Variants in GJA3 observed in about 807,000 individuals in gnomAD.
GJA3 encodes gap junction alpha-3 protein.
For missense variants in GJA3, 571 were observed against 620.3 expected (o/e 0.92, Z 0.84); for synonymous variants, 297 against 292.6 (o/e 1.02, Z -0.15).
rs1158103361 is a variant in GJA3, at chr13:20,141,826, A to C, written c.*155T>G. The C allele has an allele frequency of 9.0e-7, 1 of 1,114,732 alleles. No individual in the cohort carries two copies. The highest frequency in any genetic ancestry group is 1.6e-5 in the African/African-American group (1 of 62,910). The allele number at this position is 1,114,732 out of a possible 1,614,324, so 69.1% of individuals were successfully genotyped here. A position where few individuals can be genotyped will look rare whatever the true frequency, so the allele number is the denominator to read the frequency against. On this transcript the variant is annotated 3_prime_UTR_variant, in exon 2 of 2. Transcript: ENST00000241125. ...AAGAACAGCAAGCATTGAACACGGA[A>C]ACCTGATCTCTCCTCCATCGTCCAC...
intron 1 of GJA3, 132 bp from the exon 2 acceptor site, chr13:20,143,437 C>T (rs1958825129): frequency 1.7e-6 from 1 of 581,050 alleles, no homozygotes. Context: ...GGACAGGCAT[C>T]GCAGCTCCCC....
chr13:20,143,816 A>T (rs975588061), intron 1 of GJA3, among the ~76,000 whole-genome samples: 1 of 152,248 alleles, frequency 6.6e-6, no homozygotes, highest in South Asian at 2.1e-4. Flanking sequence ...CTCAACTAGG[A>T]AAGTTTACAT....
At chr13:20,151,954 G>A (rs1291168381) in intron 1 of GJA3, among the ~76,000 whole-genome samples, 2 of 152,138 alleles carry the variant, frequency 1.3e-5, no homozygotes, top group East Asian at 3.9e-4. Context: ...CATGCCCCTG[G>A]GCTGGTGTCG....
intron 1 of GJA3, among the ~76,000 whole-genome samples, chr13:20,152,712 T>G (rs966038272): frequency 1.3e-5 from 2 of 152,196 alleles, no homozygotes; most frequent in Non-Finnish European, 2.9e-5. Context: ...GTTACTTGGT[T>G]TACAAATTAG....
intron 1 of GJA3, among the ~76,000 whole-genome samples, chr13:20,146,518 C>T (rs151026895): frequency 3.9e-5 from 6 of 152,324 alleles, no homozygotes; most frequent in African/African-American, 1.2e-4. Flanking sequence ...AAGAGCCTTG[C>T]GACCTCTGAG....
At chr13:20,143,408 G>C in intron 1 of GJA3, 103 bp from the exon 2 acceptor site, 1 of 714,774 alleles carries the variant, frequency 1.4e-6, no homozygotes, top group East Asian at 2.7e-5. Context: ...GGATGGGGCT[G>C]ATGGGCAGCT....
In GJA3 at chr13:20,139,181, G is replaced by A. The variant is rs1958793172; in HGVS notation, c.*2800C>T. The A allele has an allele frequency of 6.6e-6, 1 of 152,062 alleles. No individual in the cohort carries two copies. The highest frequency in any genetic ancestry group is 1.5e-5 in the Non-Finnish European group (1 of 68,006). 9.4% of individuals were successfully genotyped at this position (152,062 alleles called of 1,614,324 possible). A position where few individuals can be genotyped will look rare whatever the true frequency, so the allele number is the denominator to read the frequency against. ...AATTTAAAAAATGATTTTTGGTACT[G>A]TAACTATAGTGATGTTTAACATTTT... On this transcript the variant is annotated 3_prime_UTR_variant, in exon 2 of 2. Transcript: ENST00000241125.
chr13:20,150,040 A>G (rs867152651), intron 1 of GJA3, among the ~76,000 whole-genome samples: 1 of 152,236 alleles, frequency 6.6e-6, no homozygotes, highest in South Asian at 2.1e-4. Context: ...AAGGAGACAC[A>G]TTCTGAAGAC....
At chr13:20,145,955 A>G (rs926193659) in intron 1 of GJA3, among the ~76,000 whole-genome samples, 1 of 152,094 alleles carries the variant, frequency 6.6e-6, no homozygotes, top group African/African-American at 2.4e-5. Context: ...TGGGCTCTAG[A>G]GTACACCTGC....
At chr13:20,145,763 T>A (rs73154183) in intron 1 of GJA3, among the ~76,000 whole-genome samples, 2 of 152,314 alleles carry the variant, frequency 1.3e-5, no homozygotes, top group Non-Finnish European at 2.9e-5. Context: ...GCCTACACAG[T>A]CCCCTCAGGG....
At chr13:20,157,087 T>C (rs564730629) in intron 1 of GJA3, among the ~76,000 whole-genome samples, 1 of 152,352 alleles carries the variant, frequency 6.6e-6, no homozygotes, top group East Asian at 1.9e-4. Context: ...ATTTTAGTGA[T>C]GTGTTAATGT....
intron 1 of GJA3, among the ~76,000 whole-genome samples, chr13:20,144,860 A>G (rs377482929): frequency 2.6e-5 from 4 of 152,380 alleles, no homozygotes; most frequent in East Asian, 3.9e-4. Context: ...CAGTGGAACC[A>G]AAGAAAACAC....
chr13:20,152,090 A>G (rs1367512490), intron 1 of GJA3, among the ~76,000 whole-genome samples: 1 of 152,158 alleles, frequency 6.6e-6, no homozygotes, highest in African/African-American at 2.4e-5. Flanking sequence ...GGACATGCTA[A>G]GTTTAAAATG....
At chr13:20,160,751 G>A (rs1316679941) in intron 1 of GJA3, 139 bp downstream of exon 1, 2 of 152,038 alleles carry the variant, frequency 1.3e-5, no homozygotes, top group African/African-American at 2.4e-5. Flanking sequence ...CACACGTGCC[G>A]GGGCTCGGCT....
intron 1 of GJA3, among the ~76,000 whole-genome samples, chr13:20,143,826 T>C (rs1958827548): frequency 6.6e-6 from 1 of 152,252 alleles, no homozygotes; most frequent in African/African-American, 2.4e-5. Flanking sequence ...AAAGTTTACA[T>C]TACTACTGTC....
At chr13:20,153,703 A>T (rs138194608) in intron 1 of GJA3, among the ~76,000 whole-genome samples, 26 of 152,162 alleles carry the variant, frequency 1.7e-4, no homozygotes, top group African/African-American at 6.3e-4. Flanking sequence ...TAACAGGTGC[A>T]GCACACCAAC....
At chr13:20,149,303 G>A (rs1367257297) in intron 1 of GJA3, among the ~76,000 whole-genome samples, 1 of 151,958 alleles carries the variant, frequency 6.6e-6, no homozygotes, top group Non-Finnish European at 1.5e-5. Context: ...GGGCAGCCTG[G>A]GCAACATAGC....
intron 1 of GJA3, among the ~76,000 whole-genome samples, chr13:20,150,306 C>T (rs949013845): frequency 2.0e-5 from 3 of 151,674 alleles, no homozygotes; most frequent in African/African-American, 7.3e-5. Context: ...CTGCAGCTTC[C>T]CCTTTCAGGC....
At chr13:20,156,114 GTAT>G (rs909978159) in intron 1 of GJA3, among the ~76,000 whole-genome samples, 9 of 152,016 alleles carry the variant, frequency 5.9e-5, no homozygotes, top group Admixed American at 1.3e-4. Context: ...TGCCATCTAT[GTAT>G]TATTATTATT....
Sources: gnomAD v4.1 joint callset for allele counts (sites outside exome capture counted in the v4.1 genomes callset) on GRCh38, gnomAD v4.1.1 for gene constraint, MANE v1.5 for transcripts, NCBI Gene and HGNC (gene_info 2026-07-23, HGNC 2026-07-21) for gene names.